SGCZ: variants seen among roughly 807,000 people sequenced by gnomAD.
SGCZ encodes the protein sarcoglycan zeta.
SGCZ carries 40 observed loss-of-function variants against 41.3 expected under a neutral mutation model. That is an observed-to-expected ratio of 0.97 (90% confidence interval 0.75 to 1.26). SGCZ has a LOEUF of 1.26. Among genes scored for constraint, SGCZ ranks in the 50% most tolerant of loss-of-function variants. The pLI, the probability that SGCZ is intolerant of heterozygous loss-of-function variation, is 0.00. For missense variants in SGCZ, 552 were observed against 369.8 expected, an observed-to-expected ratio of 1.49 and a Z score of -4.04; for synonymous variants, 206 against 137.5, an observed-to-expected ratio of 1.50 and a Z score of -3.49.
At chr8:14,427,544 C>T (rs1409111637) in intron 2 of SGCZ, among the ~76,000 whole-genome samples, 2 of 152,068 alleles carry the variant, frequency 1.3e-5, no homozygotes, top group African/African-American at 4.8e-5. Flanking sequence ...ACTCGTCTCC[C>T]CAGGAGATTA....
intron 1 of SGCZ, among the ~76,000 whole-genome samples, chr8:14,816,307 G>C (rs2130553463): frequency 6.6e-6 from 1 of 152,262 alleles, no homozygotes; most frequent in Non-Finnish European, 1.5e-5. Context: ...TGATGAGGCT[G>C]GAGGAAACAT....
Position 14,973,537 on chromosome 8 carries a change from G to A in SGCZ, c.39+264048C>T, listed in dbSNP as rs150089000. 3.1e-3 allele frequency among the ~76,000 whole-genome samples: 470 copies of A among 152,128 alleles called. 3 individuals carry two copies. Among genetic ancestry groups the A allele is most frequent in the African/African-American group, 1.0e-2 (415 of 41,512 alleles). On this transcript the variant is annotated intron_variant, in intron 1 of 7. Transcript: ENST00000382080. ...GTGCAGTTTTTGCTTTGACACTACCGTAATGAATATGCATTCTTCTCTGAC... is the reference window on the plus strand; with the variant it reads ...GTGCAGTTTTTGCTTTGACACTACCATAATGAATATGCATTCTTCTCTGAC...
chr8:14,929,309 T>A (rs1290210747), intron 1 of SGCZ, among the ~76,000 whole-genome samples: 1 of 152,150 alleles, frequency 6.6e-6, no homozygotes, highest in Non-Finnish European at 1.5e-5. Context: ...CATTTTTAAA[T>A]GTGCTCCTAG....
intron 2 of SGCZ, among the ~76,000 whole-genome samples, chr8:14,442,265 T>A (rs1354907493): frequency 6.6e-6 from 1 of 152,134 alleles, no homozygotes; most frequent in Non-Finnish European, 1.5e-5. Flanking sequence ...CCCGTGATAT[T>A]CTCGTGATAA....
In SGCZ at chr8:14,380,666, A is replaced by G. The variant is rs1348772023; in HGVS notation, c.235-56462T>C. On this transcript the variant is annotated intron_variant, in intron 2 of 7. Transcript: ENST00000382080. ...CAACAGGTCGAGACCACCCTGGCCAACATGGTGAATCCCAGTCTCTATGAA... is the reference window on the plus strand; with the variant it reads ...CAACAGGTCGAGACCACCCTGGCCAGCATGGTGAATCCCAGTCTCTATGAA... Among the ~76,000 whole-genome samples, 26 of 152,180 alleles carry G rather than the reference A, an allele frequency of 1.7e-4. 1 individual carries two copies. The highest frequency in any genetic ancestry group is 2.1e-4 in the Non-Finnish European group (14 of 68,038).
At chr8:14,448,812 T>C (rs943541285) in intron 2 of SGCZ, among the ~76,000 whole-genome samples, 3 of 152,228 alleles carry the variant, frequency 2.0e-5, no homozygotes, top group East Asian at 3.9e-4. Flanking sequence ...TTCTGGCCTC[T>C]GACTCTTCCC....
At chr8:14,365,659 T>C (rs1043312997) in intron 2 of SGCZ, among the ~76,000 whole-genome samples, 3 of 152,180 alleles carry the variant, frequency 2.0e-5, no homozygotes, top group African/African-American at 7.2e-5. Context: ...CCATAAAATC[T>C]ATTTGGGAAG....
intron 1 of SGCZ, among the ~76,000 whole-genome samples, chr8:14,982,864 C>T (rs1029298655): frequency 4.6e-5 from 7 of 152,154 alleles, no homozygotes; most frequent in African/African-American, 7.2e-5. Flanking sequence ...TGCTACTGAT[C>T]GTTCAAACTT....
chr8:14,762,737 A>G (rs1799929513), intron 1 of SGCZ, among the ~76,000 whole-genome samples: 1 of 152,208 alleles, frequency 6.6e-6, no homozygotes. Flanking sequence ...CTGGACAAAC[A>G]AGCATTCAGT....
At chr8:14,426,857 G>T (rs1285256039) in intron 2 of SGCZ, among the ~76,000 whole-genome samples, 1 of 152,066 alleles carries the variant, frequency 6.6e-6, no homozygotes. Context: ...GATCAAAAAA[G>T]AATGGAAAAA....
intron 1 of SGCZ, among the ~76,000 whole-genome samples, chr8:14,631,946 G>T (rs1806669205): frequency 6.6e-6 from 1 of 152,020 alleles, no homozygotes; most frequent in Non-Finnish European, 1.5e-5. Context: ...TATTTGTTGG[G>T]TACCACATAA....
chr8:15,118,737 A>C (rs1218891105), intron 1 of SGCZ, among the ~76,000 whole-genome samples: 1 of 152,192 alleles, frequency 6.6e-6, no homozygotes, highest in African/African-American at 2.4e-5. Flanking sequence ...TTAGGAAAAA[A>C]AAATAGAAAA....
chr8:15,231,298 T>C (rs969200554), intron 1 of SGCZ, among the ~76,000 whole-genome samples: 6 of 152,314 alleles, frequency 3.9e-5, no homozygotes, highest in African/African-American at 1.4e-4. Context: ...ACCTATTTAA[T>C]ACCAGCAAAG....
intron 2 of SGCZ, among the ~76,000 whole-genome samples, chr8:14,529,418 CA>C (rs1020052498): frequency 2.0e-5 from 3 of 152,142 alleles, no homozygotes; most frequent in African/African-American, 7.2e-5. Flanking sequence ...AGCATGAAAG[CA>C]AATGTGCCAC....
At chr8:15,036,823 C>T (rs886813779) in intron 1 of SGCZ, among the ~76,000 whole-genome samples, 3 of 152,024 alleles carry the variant, frequency 2.0e-5, no homozygotes, top group Admixed American at 6.6e-5. Context: ...CCCTGATTAA[C>T]ATAGGTGCAA....
chr8:14,990,980 C>G (rs545817104), intron 1 of SGCZ, among the ~76,000 whole-genome samples: 1 of 152,130 alleles, frequency 6.6e-6, no homozygotes, highest in Non-Finnish European at 1.5e-5. Context: ...AAAAATAATT[C>G]TTTGTCCTAA....
intron 3 of SGCZ, among the ~76,000 whole-genome samples, chr8:14,316,159 G>C (rs1280915811): frequency 6.6e-6 from 1 of 151,624 alleles, no homozygotes; most frequent in East Asian, 1.9e-4. Context: ...TAATGTATAG[G>C]ACCAAACTTA....
At chr8:14,870,222 G>A (rs965913571) in intron 1 of SGCZ, among the ~76,000 whole-genome samples, 1 of 152,124 alleles carries the variant, frequency 6.6e-6, no homozygotes, top group African/African-American at 2.4e-5. Context: ...TACCAGAACA[G>A]ATAGATAGAC....
intron 2 of SGCZ, among the ~76,000 whole-genome samples, chr8:14,534,156 A>C (rs1378908904): frequency 6.6e-6 from 1 of 151,980 alleles, no homozygotes; most frequent in East Asian, 1.9e-4. Context: ...TGAAGTGTTG[A>C]GGCCAGAGAA....
Sources: allele counts gnomAD v4.1 joint callset (sites outside exome capture counted in the v4.1 genomes callset), GRCh38; gene constraint gnomAD v4.1.1; transcripts MANE v1.5; gene names NCBI Gene and HGNC (gene_info 2026-07-23, HGNC 2026-07-21).